Variants in ANXA13 observed in about 807,000 individuals in gnomAD.
The protein encoded by ANXA13 is annexin A13, also known as annexin XIII.
Under a neutral mutation model 46.6 loss-of-function variants are expected in ANXA13, and 36 were observed. That is an observed-to-expected ratio of 0.77 (90% CI 0.59 to 1.02). The LOEUF (loss-of-function observed/expected upper bound fraction) is 1.02. ANXA13 is among the 50% of genes least tolerant of loss of function. The pLI, the probability that ANXA13 is intolerant of heterozygous loss-of-function variation, is 0.00. For synonymous variants in ANXA13, 163 were observed against 152.9 expected, an observed-to-expected ratio of 1.07 and a Z score of -0.49; for missense variants, 417 against 396.5, an observed-to-expected ratio of 1.05 and a Z score of -0.44.
At chr8:123,698,680 CAACCTGCAACCTGCTGAG>C in intron 3 of ANXA13, 121 bp from the exon 4 acceptor site, 1 of 986,016 alleles carries the variant, frequency 1.0e-6, no homozygotes, top group South Asian at 1.6e-5. Flanking sequence ...TGAATTCTGC[CAACCTGCAACCTGCTGAG>C]AACATGCAAC....
At chr8:123,700,753 G>C (rs1010755147) in intron 3 of ANXA13, among the ~76,000 whole-genome samples, 2 of 145,102 alleles carry the variant, frequency 1.4e-5, no homozygotes, top group Admixed American at 6.9e-5. Context: ...TCATTCTTTT[G>C]TTCTTTCTTT....
chr8:123,685,960 G>A (rs1312371865), intron 9 of ANXA13, among the ~76,000 whole-genome samples: 4 of 152,128 alleles, frequency 2.6e-5, no homozygotes, highest in Non-Finnish European at 5.9e-5. Flanking sequence ...CATACAGCAC[G>A]GCTTGATGTG....
At position 123,690,957 on chromosome 8, in the gene ANXA13, C is replaced by T. The variant is rs929994922; in HGVS notation, c.643-2011G>A. Among the ~76,000 whole-genome samples, 5 of 152,168 alleles carry T rather than the reference C, an allele frequency of 3.3e-5. No individual in the cohort carries two copies. ...AGTGGGCTATGGGTATGCATACCTA[C>T]TGTTTATGCTGAGCCCTGTTTGGGG... On this transcript the variant is annotated intron_variant, in intron 8 of 10. Transcript: ENST00000419625. The surrounding 1 kb of genome is among the most constrained non-coding windows in gnomAD (Gnocchi z 4.6).
chr8:123,693,775 T>C lies in ANXA13; in HGVS notation c.476A>G (p.Asn159Ser). ...GTCCACGTCATCTCCTTCATTGCGA[T>C]TAGCCTAGAAAAATTGACACATTGT... ...KKILVSLLQA[N>S]RNEGDDVDKD... is the part of the protein sequence containing the mutation. The change falls in exon 7 of 11, where the codon AAT becomes AGT. Residue 159 changes from asparagine to serine, a missense_variant. Coordinates refer to ENST00000419625, the MANE Select transcript of ANXA13 (RefSeq NM_004306.4). The C allele has an allele frequency of 6.2e-7, 1 of 1,613,932 alleles. No individual in the cohort carries two copies. The highest frequency in any genetic ancestry group is 1.3e-5 in the African/African-American group (1 of 75,048).
At chr8:123,733,638 G>A (rs576059646) in intron 1 of ANXA13, among the ~76,000 whole-genome samples, 2 of 152,324 alleles carry the variant, frequency 1.3e-5, no homozygotes, top group Non-Finnish European at 2.9e-5. Flanking sequence ...TTTACAAATC[G>A]GTTTTCAGTT....
intron 9 of ANXA13, among the ~76,000 whole-genome samples, chr8:123,685,147 C>G (rs568274645): frequency 2.0e-5 from 3 of 152,222 alleles, no homozygotes; most frequent in Non-Finnish European, 4.4e-5. Context: ...GCCGCCTGCT[C>G]TCCTATGCTC....
chr8:123,687,046 C>T (rs141127810), intron 9 of ANXA13, among the ~76,000 whole-genome samples: 1 of 152,114 alleles, frequency 6.6e-6, no homozygotes, highest in African/African-American at 2.4e-5. Flanking sequence ...TATCTTTAGC[C>T]TTATCTGTTG....
intron 1 of ANXA13, among the ~76,000 whole-genome samples, chr8:123,734,342 T>C (rs534147306): frequency 6.6e-6 from 1 of 152,170 alleles, no homozygotes; most frequent in Non-Finnish European, 1.5e-5. Context: ...AGCAGATTTT[T>C]CCACTGATCT....
chr8:123,696,744 A>G (rs61659893), intron 4 of ANXA13, among the ~76,000 whole-genome samples: 17,235 of 152,090 alleles, frequency 0.11, 1,242 homozygotes, highest in African/African-American at 0.21. Flanking sequence ...TCCAACCCGC[A>G]ACCAGGATCT....
intron 1 of ANXA13, among the ~76,000 whole-genome samples, chr8:123,718,038 G>C (rs1813793155): frequency 1.3e-5 from 2 of 152,300 alleles, no homozygotes; most frequent in South Asian, 4.1e-4. Context: ...GCGATTCCTC[G>C]AGTGTTTTTC....
At chr8:123,733,583 A>C (rs1814168279) in intron 1 of ANXA13, among the ~76,000 whole-genome samples, 1 of 152,254 alleles carries the variant, frequency 6.6e-6, no homozygotes, top group Non-Finnish European at 1.5e-5. Flanking sequence ...TAAACTTGGC[A>C]TGTTCACAAA....
chr8:123,717,978 C>G lies in ANXA13; in HGVS notation c.16-5225G>C, dbSNP rs367659941. 9.2e-5 allele frequency among the ~76,000 whole-genome samples: 14 copies of G among 152,360 alleles called. No individual in the cohort carries two copies. The East Asian group carries it at 2.7e-3, about 29-fold the overall frequency. On this transcript the variant is annotated intron_variant, in intron 1 of 10. Transcript: ENST00000419625. ...TTGGGGCTCACGCCCAGACTCGCAC[C>G]CAGGCTCGCTTGCGCCCAGAGAAAG...
intron 4 of ANXA13, 75 bp from the exon 5 acceptor site, chr8:123,695,796 C>T (rs1046686420): frequency 2.0e-4 from 259 of 1,315,020 alleles, no homozygotes; most frequent in Admixed American, 3.6e-4. Context: ...AGAGAAGAGG[C>T]GGGAGACCAT....
At chr8:123,710,011 G>A (rs1029707110) in intron 2 of ANXA13, among the ~76,000 whole-genome samples, 1 of 152,096 alleles carries the variant, frequency 6.6e-6, no homozygotes. Context: ...CACCTGCCTT[G>A]GCCTCCCAAA....
At chr8:123,730,348 C>T (rs1814091428) in intron 1 of ANXA13, among the ~76,000 whole-genome samples, 1 of 152,232 alleles carries the variant, frequency 6.6e-6, no homozygotes, top group Non-Finnish European at 1.5e-5. Context: ...CACCAGGGAA[C>T]TCAGAAATGC....
chr8:123,714,222 G>C (rs940471924), intron 1 of ANXA13, among the ~76,000 whole-genome samples: 1 of 152,154 alleles, frequency 6.6e-6, no homozygotes, highest in Non-Finnish European at 1.5e-5. Flanking sequence ...CATGAGGCTT[G>C]AGCCCCTTTG....
intron 1 of ANXA13, among the ~76,000 whole-genome samples, chr8:123,721,480 C>T (rs1261268286): frequency 6.6e-6 from 1 of 152,160 alleles, no homozygotes; most frequent in African/African-American, 2.4e-5. Flanking sequence ...GAGCGCTTGG[C>T]AGGATATTCA....
intron 3 of ANXA13, among the ~76,000 whole-genome samples, chr8:123,699,206 G>C (rs1045717473): frequency 1.3e-5 from 2 of 152,164 alleles, no homozygotes; most frequent in East Asian, 1.9e-4. Context: ...GTTTGAGACA[G>C]GGTGACTTTG....
At chr8:123,683,399 C>G (rs1198107663) in intron 10 of ANXA13, among the ~76,000 whole-genome samples, 1 of 148,834 alleles carries the variant, frequency 6.7e-6, no homozygotes, top group Non-Finnish European at 1.5e-5. Flanking sequence ...GTCCCTCCCC[C>G]TTCACCTCCC....
Sources: allele counts gnomAD v4.1 joint callset (sites outside exome capture counted in the v4.1 genomes callset), GRCh38; gene constraint gnomAD v4.1.1; non-coding constraint Gnocchi (gnomAD v3.1); transcripts MANE v1.5; gene names NCBI Gene and HGNC (gene_info 2026-07-23, HGNC 2026-07-21).